CERS6: variants seen among roughly 807,000 people sequenced by gnomAD.
CERS6 encodes ceramide synthase 6.
CERS6 carries 26 observed loss-of-function variants against 56.8 expected under a neutral mutation model. The observed-to-expected ratio is 0.46, with a 90% CI of 0.34 to 0.63. The LOEUF is 0.63. Ranked by LOEUF, CERS6 falls within the 30% of genes least tolerant of loss-of-function variation. CERS6 has a pLI of 0.01. For missense variants in CERS6, 415 were observed against 467.5 expected (o/e 0.89, Z 1.04); for synonymous variants, 164 against 173.3 (o/e 0.95, Z 0.42).
At chr2:168,495,991 C>T (rs1362353005) in intron 1 of CERS6, among the ~76,000 whole-genome samples, 1 of 152,222 alleles carries the variant, frequency 6.6e-6, no homozygotes, top group African/African-American at 2.4e-5. Context: ...GTGTCCTTTG[C>T]AGTTACAAGC....
chr2:168,523,196 A>G (rs1202226142), intron 1 of CERS6, among the ~76,000 whole-genome samples: 1 of 152,134 alleles, frequency 6.6e-6, no homozygotes, highest in Non-Finnish European at 1.5e-5. Context: ...TTTGTCCTTA[A>G]GCTTGTCACC....
intron 6 of CERS6, among the ~76,000 whole-genome samples, chr2:168,706,539 C>A (rs1416518505): frequency 6.6e-6 from 1 of 152,196 alleles, no homozygotes; most frequent in African/African-American, 2.4e-5. Context: ...AAGCATCTTA[C>A]TTTTAAAAGC....
chr2:168,689,253 G>A (rs1275617494), intron 4 of CERS6, among the ~76,000 whole-genome samples: 3 of 152,290 alleles, frequency 2.0e-5, no homozygotes, highest in African/African-American at 7.2e-5. Context: ...ACTTTCAGTT[G>A]AGGAGATAAT....
chr2:168,677,497 A>AT (rs201710908), intron 4 of CERS6, among the ~76,000 whole-genome samples: 3,285 of 151,616 alleles, frequency 0.022, 122 homozygotes, highest in African/African-American at 0.074. Context: ...ATGTGTCTTC[A>AT]TTTTTTTTAT....
intron 8 of CERS6, among the ~76,000 whole-genome samples, chr2:168,724,105 G>A (rs147989751): frequency 1.8e-4 from 28 of 152,270 alleles, no homozygotes; most frequent in African/African-American, 6.5e-4. Context: ...TGCATCTGGA[G>A]TCTGTCCCTT....
chr2:168,736,656 G>A (rs1683725669), intron 8 of CERS6, among the ~76,000 whole-genome samples: 1 of 152,212 alleles, frequency 6.6e-6, no homozygotes, highest in African/African-American at 2.4e-5. Flanking sequence ...GAGGGAAAAA[G>A]GCTTAAATTG....
intron 3 of CERS6, among the ~76,000 whole-genome samples, chr2:168,579,268 G>T (rs959793942): frequency 2.0e-5 from 3 of 152,298 alleles, no homozygotes; most frequent in African/African-American, 7.2e-5. Flanking sequence ...GGAGCCCGTG[G>T]AGTTGGGGGG....
intron 1 of CERS6, among the ~76,000 whole-genome samples, chr2:168,499,848 T>C (rs561368278): frequency 5.6e-4 from 85 of 152,326 alleles, no homozygotes; most frequent in Non-Finnish European, 1.0e-3. Context: ...AAAAAGGCTC[T>C]GCCACCAGGT....
chr2:168,744,592 G>A (rs913931256), intron 8 of CERS6, among the ~76,000 whole-genome samples: 1 of 152,134 alleles, frequency 6.6e-6, no homozygotes. Flanking sequence ...GGGACAGTTT[G>A]GCAACCTCAA....
intron 8 of CERS6, among the ~76,000 whole-genome samples, chr2:168,734,249 G>C (rs1445169381): frequency 1.3e-5 from 2 of 151,934 alleles, no homozygotes; most frequent in African/African-American, 4.8e-5. Context: ...GCAGTGTATA[G>C]AAGGAAAAAA....
At chr2:168,675,651 A>G (rs1176565568) in intron 4 of CERS6, among the ~76,000 whole-genome samples, 1 of 152,206 alleles carries the variant, frequency 6.6e-6, no homozygotes, top group East Asian at 1.9e-4. Flanking sequence ...AATGTTTTAC[A>G]AGGTAACATA....
At chr2:168,551,937 G>A (rs1695580066) in intron 2 of CERS6, among the ~76,000 whole-genome samples, 2 of 152,088 alleles carry the variant, frequency 1.3e-5, no homozygotes. Flanking sequence ...CATATTATTT[G>A]TACATACCTA....
At chr2:168,501,629 A>G (rs540005968) in intron 1 of CERS6, among the ~76,000 whole-genome samples, 2 of 152,362 alleles carry the variant, frequency 1.3e-5, no homozygotes, top group East Asian at 3.9e-4. Context: ...CAGTAGTACT[A>G]GTGAAATGGC....
intron 1 of CERS6, among the ~76,000 whole-genome samples, chr2:168,529,995 G>A (rs999084087): frequency 2.0e-5 from 3 of 152,054 alleles, no homozygotes; most frequent in Non-Finnish European, 4.4e-5. Flanking sequence ...CTGAAGGCCT[G>A]CTTCTCGCAG....
intron 6 of CERS6, among the ~76,000 whole-genome samples, chr2:168,696,418 GTCTT>G (rs1470807036): frequency 6.6e-6 from 1 of 152,168 alleles, no homozygotes; most frequent in South Asian, 2.1e-4. Context: ...CTCTTAAACA[GTCTT>G]TCTATCTAAG....
At chr2:168,550,967 A>G (rs1189057188) in intron 2 of CERS6, among the ~76,000 whole-genome samples, 1 of 152,198 alleles carries the variant, frequency 6.6e-6, no homozygotes, top group Non-Finnish European at 1.5e-5. Flanking sequence ...GAACTGGGCA[A>G]CCACACACAC....
At chr2:168,560,417 C>T (rs944140685) in intron 2 of CERS6, among the ~76,000 whole-genome samples, 1 of 152,148 alleles carries the variant, frequency 6.6e-6, no homozygotes, top group South Asian at 2.1e-4. Flanking sequence ...TGGTAAACAA[C>T]CTTTTCTTTT....
intron 1 of CERS6, among the ~76,000 whole-genome samples, chr2:168,476,000 A>G (rs527494688): frequency 8.5e-5 from 13 of 152,370 alleles, no homozygotes; most frequent in African/African-American, 3.1e-4. Context: ...AATATATGAC[A>G]TATGTTTATG....
chr2:168,658,365 T>C (rs1039272920), intron 4 of CERS6, among the ~76,000 whole-genome samples: 3 of 152,244 alleles, frequency 2.0e-5, no homozygotes, highest in African/African-American at 7.2e-5. Flanking sequence ...TGCGTTGTTA[T>C]GATAGAACAC....
Sources: gnomAD v4.1 joint callset for allele counts (sites outside exome capture counted in the v4.1 genomes callset) on GRCh38, gnomAD v4.1.1 for gene constraint, MANE v1.5 for transcripts, NCBI Gene and HGNC (gene_info 2026-07-23, HGNC 2026-07-21) for gene names.